Variants in PDZRN4 observed in about 807,000 individuals in gnomAD.
PDZRN4 encodes the protein PDZ domain-containing RING finger protein 4.
PDZRN4 carries 70 observed loss-of-function variants against 99.0 expected under a neutral mutation model. The observed-to-expected ratio is 0.71, with a 90% CI of 0.58 to 0.86. The LOEUF is 0.86. Among genes scored for constraint, PDZRN4 ranks in the 40% least tolerant of loss-of-function variants. The probability of loss-of-function intolerance (pLI) is 0.00; values close to 1 mark genes in which losing one functional copy is unlikely to be tolerated. For synonymous variants in PDZRN4, 551 were observed against 501.6 expected (o/e 1.10, Z -1.32); for missense variants, 1,474 against 1,331.2 (o/e 1.11, Z -1.67).
At chr12:41,356,070 G>T (rs932702805) in intron 3 of PDZRN4, among the ~76,000 whole-genome samples, 1 of 151,920 alleles carries the variant, frequency 6.6e-6, no homozygotes, top group African/African-American at 2.4e-5. Flanking sequence ...CTTTGAAGTT[G>T]CTCTGGCCAT....
intron 3 of PDZRN4, among the ~76,000 whole-genome samples, chr12:41,400,788 G>A (rs1952283744): frequency 6.6e-6 from 1 of 152,122 alleles, no homozygotes; most frequent in African/African-American, 2.4e-5. Context: ...TGCTTTACAA[G>A]TCATGTAAAA....
rs1033674779 is a variant in PDZRN4, at chr12:41,205,865, C to G, written c.843+11677C>G. Reference sequence around the variant, plus strand: ...CAGAGCATAGCAGGCTCCCCAAAACCTTCCCTTCTTCCCCTGTTCCTTCAT... The same window carrying G: ...CAGAGCATAGCAGGCTCCCCAAAACGTTCCCTTCTTCCCCTGTTCCTTCAT... On this transcript the variant is annotated intron_variant, in intron 3 of 9. Coordinates refer to ENST00000402685, the MANE Select transcript of PDZRN4 (RefSeq NM_001164595.2). 2.6e-5 allele frequency among the ~76,000 whole-genome samples: 4 copies of G among 151,844 alleles called. No individual in the cohort carries two copies. In the South Asian group the frequency reaches 8.3e-4, roughly 31 times the overall value.
chr12:41,313,979 G>C (rs1951623308), intron 3 of PDZRN4, among the ~76,000 whole-genome samples: 1 of 152,116 alleles, frequency 6.6e-6, no homozygotes, highest in African/African-American at 2.4e-5. Context: ...CTTTATATCA[G>C]AAGATAAATG....
In PDZRN4 at chr12:41,402,836, G is replaced by A. The variant is rs11180893; in HGVS notation, c.844-103620G>A. On this transcript the variant is annotated intron_variant, in intron 3 of 9. Transcript: ENST00000402685. Reference sequence around the variant, plus strand: ...AAAAACTAAGCTATTTGAGGGCAGCGTCAGCGTCTTATGTCTTATTTGTCC... The same window carrying A: ...AAAAACTAAGCTATTTGAGGGCAGCATCAGCGTCTTATGTCTTATTTGTCC... 4.1e-3 allele frequency among the ~76,000 whole-genome samples: 624 copies of A among 151,724 alleles called. 20 individuals carry two copies. In the East Asian group the frequency reaches 0.092, roughly 22 times the overall value.
At chr12:41,251,940 A>C (rs963025133) in intron 3 of PDZRN4, among the ~76,000 whole-genome samples, 4 of 152,028 alleles carry the variant, frequency 2.6e-5, no homozygotes, top group African/African-American at 9.7e-5. Context: ...ACACACTGAA[A>C]CCCTGTCTCT....
At chr12:41,421,213 T>C (rs1182701657) in intron 3 of PDZRN4, among the ~76,000 whole-genome samples, 1 of 152,202 alleles carries the variant, frequency 6.6e-6, no homozygotes, top group African/African-American at 2.4e-5. Context: ...GTTTCTTTTT[T>C]TTCTTTTGAG....
chr12:41,199,864 G>A (rs1950803142), intron 3 of PDZRN4, among the ~76,000 whole-genome samples: 1 of 152,084 alleles, frequency 6.6e-6, no homozygotes, highest in Non-Finnish European at 1.5e-5. Flanking sequence ...GATGTGGAAG[G>A]GTGGGAGGAG....
intron 3 of PDZRN4, among the ~76,000 whole-genome samples, chr12:41,455,813 A>G (rs1952813051): frequency 6.6e-6 from 1 of 152,140 alleles, no homozygotes; most frequent in Non-Finnish European, 1.5e-5. Context: ...GATTAAACCC[A>G]TCTTGGTTGA....
At chr12:41,518,427 CA>C (rs112896109) in intron 5 of PDZRN4, among the ~76,000 whole-genome samples, 1 of 151,968 alleles carries the variant, frequency 6.6e-6, no homozygotes, top group African/African-American at 2.4e-5. Flanking sequence ...GGGGTTTCAG[CA>C]ATTTTTCCAG....
chr12:41,292,522 C>T (rs973201334), intron 3 of PDZRN4, among the ~76,000 whole-genome samples: 1 of 152,142 alleles, frequency 6.6e-6, no homozygotes, highest in South Asian at 2.1e-4. Flanking sequence ...CCTTACATTT[C>T]AGGACCCCCC....
chr12:41,274,565 T>G lies in PDZRN4; in HGVS notation c.843+80377T>G, dbSNP rs571277527. On this transcript the variant is annotated intron_variant, in intron 3 of 9. Transcript: ENST00000402685. ...GCTCAGGGATATTAGAAGCCATTTT[T>G]AAATACCAACTAAAGTCTATGTAAC... is the stretch of plus-strand genomic sequence containing the variant. 3.3e-5 allele frequency among the ~76,000 whole-genome samples: 5 copies of G among 152,294 alleles called. No individual in the cohort carries two copies. In the South Asian group the frequency reaches 1.0e-3, roughly 32 times the overall value.
intron 3 of PDZRN4, among the ~76,000 whole-genome samples, chr12:41,454,574 C>A (rs1952802872): frequency 6.6e-6 from 1 of 152,180 alleles, no homozygotes; most frequent in Admixed American, 6.5e-5. Context: ...GTATGGATAG[C>A]ATGGTCCCTT....
At chr12:41,482,801 T>G (rs1227767471) in intron 3 of PDZRN4, among the ~76,000 whole-genome samples, 1 of 151,802 alleles carries the variant, frequency 6.6e-6, no homozygotes, top group East Asian at 1.9e-4. Context: ...GTATACCTAG[T>G]GTATAGTGAG....
At chr12:41,553,122 A>G (rs11180999) in intron 6 of PDZRN4, among the ~76,000 whole-genome samples, 64,202 of 152,100 alleles carry the variant, frequency 0.42, 15,472 homozygotes, top group Middle Eastern at 0.58. Flanking sequence ...TAACAGTAGC[A>G]CTGGCTAATT....
intron 7 of PDZRN4, among the ~76,000 whole-genome samples, chr12:41,560,259 A>G (rs1333129779): frequency 1.3e-5 from 2 of 152,186 alleles, no homozygotes; most frequent in African/African-American, 2.4e-5. Flanking sequence ...TGAGTTGCCC[A>G]CCTACCTCTG....
intron 3 of PDZRN4, among the ~76,000 whole-genome samples, chr12:41,257,958 C>T (rs1445470954): frequency 6.6e-6 from 1 of 152,088 alleles, no homozygotes; most frequent in Non-Finnish European, 1.5e-5. Context: ...GTTATTTAAC[C>T]TATTCAACAA....
In PDZRN4 at chr12:41,455,268, A is replaced by C. The variant is rs559620612; in HGVS notation, c.844-51188A>C. The stretch of plus-strand genomic sequence containing the variant: ...TATGAATCCCATGGAATAGCCTACA[A>C]AGAGGAGGCTTAGAAACTAGAATAC... On this transcript the variant is annotated intron_variant, in intron 3 of 9. Transcript: ENST00000402685. 1.8e-3 allele frequency among the ~76,000 whole-genome samples: 267 copies of C among 152,346 alleles called. 1 individual carries two copies. The highest frequency in any genetic ancestry group is 6.1e-3 in the African/African-American group (253 of 41,582).
intron 3 of PDZRN4, among the ~76,000 whole-genome samples, chr12:41,424,492 A>T (rs1035745294): frequency 2.6e-5 from 4 of 152,176 alleles, no homozygotes; most frequent in Non-Finnish European, 5.9e-5. Flanking sequence ...ACGTTGCTAT[A>T]TGTCTTTACA....
intron 5 of PDZRN4, among the ~76,000 whole-genome samples, chr12:41,518,453 A>G (rs1287982030): frequency 6.6e-6 from 1 of 152,050 alleles, no homozygotes; most frequent in East Asian, 1.9e-4. Flanking sequence ...TATTTAAATC[A>G]TTAAGAGCTA....
Sources: allele counts gnomAD v4.1 joint callset (sites outside exome capture counted in the v4.1 genomes callset), GRCh38; gene constraint gnomAD v4.1.1; transcripts MANE v1.5; gene names NCBI Gene and HGNC (gene_info 2026-07-23, HGNC 2026-07-21).